CLYBL: variants seen among roughly 807,000 people sequenced by gnomAD.
CLYBL encodes citramalyl-CoA lyase.
A neutral mutation model predicts 38.9 loss-of-function variants in CLYBL; 31 were observed. That is an observed-to-expected ratio of 0.80 (90% CI 0.60 to 1.08). The LOEUF (loss-of-function observed/expected upper bound fraction) is 1.08. Ranked by LOEUF, CLYBL falls within the 50% of genes least tolerant of loss-of-function variation. The pLI, the probability that CLYBL is intolerant of heterozygous loss-of-function variation, is 0.00. For missense variants in CLYBL, 434 were observed against 411.6 expected, an observed-to-expected ratio of 1.05 and a Z score of -0.47; for synonymous variants, 171 against 158.6, an observed-to-expected ratio of 1.08 and a Z score of -0.59.
At chr13:99,853,298 G>A (rs1159689379) in intron 2 of CLYBL, among the ~76,000 whole-genome samples, 1 of 151,926 alleles carries the variant, frequency 6.6e-6, no homozygotes, top group African/African-American at 2.4e-5. Flanking sequence ...CACATCCTCA[G>A]CCTTCTTAGT....
At chr13:99,850,163 G>C (rs2051298155) in intron 2 of CLYBL, among the ~76,000 whole-genome samples, 1 of 152,194 alleles carries the variant, frequency 6.6e-6, no homozygotes. Context: ...TAGTAAAATT[G>C]TAACTTCTGT....
At chr13:99,668,585 CAAAAAAA>C (rs61178644) in intron 1 of CLYBL, among the ~76,000 whole-genome samples, 1 of 133,734 alleles carries the variant, frequency 7.5e-6, no homozygotes, top group Non-Finnish European at 1.6e-5. Context: ...AACTCCATCT[CAAAAAAA>C]AAAAAAAGAA....
At chr13:99,676,186 G>GTCCGTCCGTCCTTCCTTCCTTCCT (rs1459044000) in intron 1 of CLYBL, among the ~76,000 whole-genome samples, 16 of 133,088 alleles carry the variant, frequency 1.2e-4, no homozygotes, top group South Asian at 2.4e-4. Flanking sequence ...CCCTCCGTCC[G>GTCCGTCCGTCCTTCCTTCCTTCCT]TCCTTCCTTC....
At chr13:99,787,416 A>G (rs2049820292) in intron 2 of CLYBL, among the ~76,000 whole-genome samples, 1 of 152,174 alleles carries the variant, frequency 6.6e-6, no homozygotes, top group Non-Finnish European at 1.5e-5. Context: ...CTTTCTACAT[A>G]TGGCTAGCCA....
chr13:99,711,860 C>A (rs376455307), intron 1 of CLYBL, among the ~76,000 whole-genome samples: 5 of 151,662 alleles, frequency 3.3e-5, no homozygotes, highest in African/African-American at 1.2e-4. Flanking sequence ...GGATTACAGG[C>A]GCCCACCATC....
chr13:99,823,003 T>C (rs1215578157), intron 2 of CLYBL, among the ~76,000 whole-genome samples: 1 of 152,232 alleles, frequency 6.6e-6, no homozygotes, highest in Admixed American at 6.5e-5. Context: ...AACATAAATA[T>C]ATTTTGGGAT....
intron 3 of CLYBL, 129 bp from the exon 4 acceptor site, chr13:99,862,862 T>C: frequency 2.3e-6 from 1 of 435,674 alleles, no homozygotes; most frequent in Non-Finnish European, 4.1e-6. Flanking sequence ...AAAAAAATTC[T>C]TTTGTGTGGA....
intron 1 of CLYBL, among the ~76,000 whole-genome samples, chr13:99,728,762 T>C (rs1192352929): frequency 6.6e-6 from 1 of 151,876 alleles, no homozygotes; most frequent in Non-Finnish European, 1.5e-5. Flanking sequence ...TGTTTTGTTT[T>C]TGTAGAGATG....
intron 1 of CLYBL, among the ~76,000 whole-genome samples, chr13:99,609,791 C>T (rs537471111): frequency 1.3e-5 from 2 of 152,328 alleles, no homozygotes; most frequent in South Asian, 4.1e-4. Context: ...CTGCCTCTGT[C>T]GCTCATAGTA....
In CLYBL at chr13:99,818,344, G is replaced by A. The variant is rs544964392; in HGVS notation, c.250-40517G>A. On this transcript the variant is annotated intron_variant, in intron 2 of 8. Coordinates refer to ENST00000339105, the MANE Select transcript of CLYBL (RefSeq NM_206808.5). ...TTTTCACTCTCTGTGTTCTTTCTCC[G>A]TCCTCGGGTTGATTGTTAATAGAGA... Among the ~76,000 whole-genome samples the A allele has an allele frequency of 5.9e-5, 9 of 152,028 alleles. No homozygotes were observed. The East Asian group carries it at 7.7e-4, about 13-fold the overall frequency.
intron 2 of CLYBL, among the ~76,000 whole-genome samples, chr13:99,835,596 G>T (rs1463305857): frequency 6.6e-6 from 1 of 152,264 alleles, no homozygotes; most frequent in South Asian, 2.1e-4. Flanking sequence ...AATGGTTGCT[G>T]TGAGCCATCA....
intron 2 of CLYBL, among the ~76,000 whole-genome samples, chr13:99,803,142 C>T (rs1178725421): frequency 6.6e-6 from 1 of 152,206 alleles, no homozygotes; most frequent in Non-Finnish European, 1.5e-5. Flanking sequence ...CCCTCCTTGC[C>T]AGCCCTGACT....
intron 4 of CLYBL, among the ~76,000 whole-genome samples, chr13:99,863,521 A>T (rs943254845): frequency 6.6e-6 from 1 of 152,236 alleles, no homozygotes; most frequent in African/African-American, 2.4e-5. Flanking sequence ...ATTATCAGTA[A>T]TGTCTAGCAG....
chr13:99,903,823 T>C (rs752588870), intron 8 of CLYBL, among the ~76,000 whole-genome samples: 11 of 152,196 alleles, frequency 7.2e-5, no homozygotes, highest in Non-Finnish European at 1.3e-4. Flanking sequence ...TACTTTTGTT[T>C]AAAAATTTAA....
intron 7 of CLYBL, among the ~76,000 whole-genome samples, chr13:99,872,003 A>AAG (rs1339164413): frequency 5.3e-5 from 8 of 151,700 alleles, no homozygotes; most frequent in African/African-American, 1.9e-4. Context: ...AAAAAAAAAA[A>AAG]AAAGAAAAAG....
At chr13:99,815,833 C>T (rs1018783679) in intron 2 of CLYBL, among the ~76,000 whole-genome samples, 11 of 152,078 alleles carry the variant, frequency 7.2e-5, no homozygotes, top group African/African-American at 1.9e-4. Flanking sequence ...GCCAAGATCG[C>T]GCCACTGCAC....
rs1441328635 is a variant in CLYBL, at chr13:99,869,030, A to G, written c.803-1908A>G. On this transcript the variant is annotated intron_variant, in intron 6 of 8. Coordinates refer to ENST00000339105, the MANE Select transcript of CLYBL (RefSeq NM_206808.5). This position sits in a 1 kb window ranked among gnomAD's most constrained non-coding sequence, Gnocchi z 4.3. Reference sequence around the variant, plus strand: ...GCACCCTCTCAGTAACTTGTCAATAACAACTCTTTTGTATAAAATATTTGC... The same window carrying G: ...GCACCCTCTCAGTAACTTGTCAATAGCAACTCTTTTGTATAAAATATTTGC... Among the ~76,000 whole-genome samples, 1 of 152,204 alleles carries G rather than the reference A, an allele frequency of 6.6e-6. No individual in the cohort carries two copies. The highest frequency in any genetic ancestry group is 1.9e-4 in the East Asian group (1 of 5,192).
chr13:99,887,543 G>A (rs1018224597), intron 7 of CLYBL, among the ~76,000 whole-genome samples: 48 of 152,196 alleles, frequency 3.2e-4, no homozygotes, highest in African/African-American at 1.2e-3. Flanking sequence ...AGGATCACTT[G>A]AGCCTAGGAG....
At chr13:99,817,396 C>T (rs886084298) in intron 2 of CLYBL, among the ~76,000 whole-genome samples, 13 of 152,080 alleles carry the variant, frequency 8.5e-5, no homozygotes, top group African/African-American at 3.1e-4. Flanking sequence ...CAGTGGCTCA[C>T]GCCTGTAATC....
Sources: gnomAD v4.1 joint callset for allele counts (sites outside exome capture counted in the v4.1 genomes callset) on GRCh38, gnomAD v4.1.1 for gene constraint, Gnocchi (gnomAD v3.1) non-coding constraint, MANE v1.5 for transcripts, NCBI Gene and HGNC (gene_info 2026-07-23, HGNC 2026-07-21) for gene names.